Variants in UNC13C observed in about 807,000 individuals in gnomAD.
The protein encoded by UNC13C is unc-13 homolog C.
In UNC13C, 174 loss-of-function variants were observed where a neutral mutation model predicts 245.4. The observed-to-expected ratio is 0.71, with a 90% CI of 0.63 to 0.80. UNC13C has a LOEUF of 0.80. Among genes scored for constraint, UNC13C ranks in the 30% least tolerant of loss-of-function variants. The pLI is 0.00. For synonymous variants in UNC13C, 992 were observed against 895.1 expected, an observed-to-expected ratio of 1.11 and a Z score of -1.93; for missense variants, 2,829 against 2,602.9, an observed-to-expected ratio of 1.09 and a Z score of -1.89.
At chr15:54,050,106 A>C (rs896435484) in intron 2 of UNC13C, 9 of 335,244 alleles carry the variant, frequency 2.7e-5, no homozygotes, top group South Asian at 1.9e-4. Context: ...AGTAGCTGCG[A>C]TTACAGGCGC....
At chr15:54,546,945 G>A (rs1391303733) in intron 27 of UNC13C, 100 bp downstream of exon 27, 4 of 1,111,232 alleles carry the variant, frequency 3.6e-6, no homozygotes, top group African/African-American at 3.4e-5. Context: ...ATCCCTTTGG[G>A]GAAAAAGTGT....
chr15:54,416,478 C>A (rs2040523706), intron 19 of UNC13C, among the ~76,000 whole-genome samples: 1 of 152,038 alleles, frequency 6.6e-6, no homozygotes, highest in African/African-American at 2.4e-5. Context: ...GGTACAATTC[C>A]TTACTTTGCA....
intron 10 of UNC13C, among the ~76,000 whole-genome samples, chr15:54,270,910 C>G (rs1453077722): frequency 2.0e-5 from 3 of 152,036 alleles, no homozygotes; most frequent in African/African-American, 7.2e-5. Context: ...TGAAAAATTG[C>G]TGCAGACCTA....
chr15:54,244,709 A>G (rs2035947014), intron 7 of UNC13C, among the ~76,000 whole-genome samples: 1 of 152,074 alleles, frequency 6.6e-6, no homozygotes, highest in Non-Finnish European at 1.5e-5. Context: ...TTGTATCGCT[A>G]GGTATTTTAT....
the UNC13C span, among the ~76,000 whole-genome samples, chr15:53,852,475 A>G: frequency 2.6e-5 from 4 of 152,154 alleles, no homozygotes; most frequent in Non-Finnish European, 5.9e-5. Context: ...ACGTATGTAC[A>G]GATGGATATT....
chr15:54,356,465 A>G (rs907006814), intron 17 of UNC13C, among the ~76,000 whole-genome samples: 2 of 152,174 alleles, frequency 1.3e-5, no homozygotes, highest in Non-Finnish European at 2.9e-5. Context: ...TTAATAAACA[A>G]CAGAGATTTA....
chr15:54,019,219 C>T (rs938591634), intron 2 of UNC13C, among the ~76,000 whole-genome samples: 2 of 152,170 alleles, frequency 1.3e-5, no homozygotes, highest in Non-Finnish European at 2.9e-5. Context: ...TCCAGAATTA[C>T]ATGGATTGTT....
At chr15:54,447,752 G>A (rs913031280) in intron 19 of UNC13C, among the ~76,000 whole-genome samples, 15 of 152,146 alleles carry the variant, frequency 9.9e-5, no homozygotes, top group Middle Eastern at 3.4e-3. Flanking sequence ...TTTTTGAAGG[G>A]TTTTCTGTGT....
chr15:54,249,235 GT>G (rs11284943), intron 7 of UNC13C, among the ~76,000 whole-genome samples: 79,869 of 148,466 alleles, frequency 0.54, 21,866 homozygotes, highest in African/African-American at 0.66. Flanking sequence ...TTGGTGGTTT[GT>G]TTTTTTTTTT....
At chr15:54,355,389 C>T (rs1394798581) in intron 17 of UNC13C, among the ~76,000 whole-genome samples, 1 of 151,948 alleles carries the variant, frequency 6.6e-6, no homozygotes, top group Non-Finnish European at 1.5e-5. Context: ...CAGAGTCTCA[C>T]TTTATCACCC....
At chr15:53,904,394 A>G in the UNC13C span, among the ~76,000 whole-genome samples, 1 of 152,346 alleles carries the variant, frequency 6.6e-6, no homozygotes, top group Non-Finnish European at 1.5e-5. Flanking sequence ...ATTATAAAGA[A>G]AAAATAAATC....
intron 2 of UNC13C, among the ~76,000 whole-genome samples, chr15:54,105,071 A>G (rs184790965): frequency 3.3e-4 from 51 of 152,330 alleles, no homozygotes; most frequent in African/African-American, 1.1e-3. Context: ...ACCTGCTCCT[A>G]TGGTTTCTGG....
intron 19 of UNC13C, among the ~76,000 whole-genome samples, chr15:54,444,488 T>G (rs1890698296): frequency 6.6e-6 from 1 of 151,910 alleles, no homozygotes; most frequent in East Asian, 1.9e-4. Flanking sequence ...TCATCCAGTC[T>G]ATATCTTTTA....
At position 54,481,582 on chromosome 15, in the gene UNC13C, C is replaced by T. The variant is rs550009687; in HGVS notation, c.4934-13026C>T. On this transcript the variant is annotated intron_variant, in intron 19 of 32. Transcript: ENST00000260323. ...GTTGCAGCAGCAGTGGCTTTCAGGG[C>T]GCAATATAGTCTGGTGAGGCTGGGC... Among the ~76,000 whole-genome samples, 5 of 152,104 alleles carry T rather than the reference C, an allele frequency of 3.3e-5. No homozygotes were observed. In the South Asian group the frequency reaches 6.2e-4, roughly 19 times the overall value.
At chr15:54,546,006 A>C (rs1385235627) in intron 26 of UNC13C, among the ~76,000 whole-genome samples, 1 of 152,230 alleles carries the variant, frequency 6.6e-6, no homozygotes, top group African/African-American at 2.4e-5. Flanking sequence ...TTCTTCTGTA[A>C]AGACACATGC....
rs116895263 is a variant in UNC13C at position 54,617,872 on chromosome 15, T to C, written c.6107-4455T>C. 5.2e-3 allele frequency among the ~76,000 whole-genome samples: 786 copies of C among 152,144 alleles called. 1 individual carries two copies. The highest frequency in any genetic ancestry group is 0.01 in the Middle Eastern group (3 of 294). On this transcript the variant is annotated intron_variant, in intron 30 of 32. Transcript: ENST00000260323. ...ATGAGCTTGATATTTAATGGTGATA[T>C]TGCCAGAGTGGTTGACCTTCATAAA... is the stretch of plus-strand genomic sequence containing the variant.
chr15:53,866,146 C>T, the UNC13C span, among the ~76,000 whole-genome samples: 4 of 152,070 alleles, frequency 2.6e-5, no homozygotes, highest in Admixed American at 6.6e-5. Context: ...AGTACCTACA[C>T]GTTATTTGTG....
At chr15:54,588,818 A>C (rs943367079) in intron 30 of UNC13C, among the ~76,000 whole-genome samples, 1 of 152,176 alleles carries the variant, frequency 6.6e-6, no homozygotes, top group African/African-American at 2.4e-5. Context: ...CTGTTAATTC[A>C]TTCCTTTTTA....
intron 4 of UNC13C, among the ~76,000 whole-genome samples, chr15:54,205,071 T>C (rs781057645): frequency 3.9e-5 from 6 of 151,980 alleles, no homozygotes; most frequent in Non-Finnish European, 7.4e-5. Context: ...TGACTGATAA[T>C]CAGAGAACTG....
Sources: allele counts gnomAD v4.1 joint callset (sites outside exome capture counted in the v4.1 genomes callset), GRCh38; gene constraint gnomAD v4.1.1; transcripts MANE v1.5; gene names NCBI Gene and HGNC (gene_info 2026-07-23, HGNC 2026-07-21).